Variants in PHACTR1 observed in about 807,000 individuals in gnomAD.
The protein encoded by PHACTR1 is RPEL repeat containing 1.
Under a neutral mutation model 69.2 loss-of-function variants are expected in PHACTR1, and 16 were observed. The ratio of observed to expected loss-of-function variants is 0.23; its 90% CI spans 0.16 to 0.35. The LOEUF (loss-of-function observed/expected upper bound fraction) is 0.35. Ranked by LOEUF, PHACTR1 falls within the 10% of genes least tolerant of loss-of-function variation. The pLI is 1.00. For synonymous variants in PHACTR1, 312 were observed against 284.5 expected, an observed-to-expected ratio of 1.10 and a Z score of -0.97; for missense variants, 510 against 734.7, an observed-to-expected ratio of 0.69 and a Z score of 3.54.
intron 10 of PHACTR1, among the ~76,000 whole-genome samples, chr6:13,262,593 A>C (rs1401927782): frequency 6.6e-6 from 1 of 152,132 alleles, no homozygotes; most frequent in Non-Finnish European, 1.5e-5. Context: ...ATGTAGTAAT[A>C]ACCAAGGCCA....
At chr6:12,934,114 C>T in intron 4 of PHACTR1, 1 of 842,894 alleles carries the variant, frequency 1.2e-6, no homozygotes, top group Non-Finnish European at 1.7e-6. Flanking sequence ...TGTCTTCCAG[C>T]TTCTGGCAGC....
intron 4 of PHACTR1, among the ~76,000 whole-genome samples, chr6:12,946,749 G>T (rs1456971410): frequency 6.6e-6 from 1 of 151,692 alleles, no homozygotes; most frequent in East Asian, 1.9e-4. Flanking sequence ...GTCCAATATG[G>T]TAGAGGGCTC....
intron 5 of PHACTR1, among the ~76,000 whole-genome samples, chr6:13,087,637 A>T (rs971038330): frequency 2.4e-4 from 36 of 151,538 alleles, no homozygotes; most frequent in African/African-American, 8.8e-4. Flanking sequence ...GAAATTACAA[A>T]TAAAAGCAGG....
In PHACTR1 at chr6:13,053,427, C is replaced by T; in HGVS notation, c.313C>T (p.Pro105Ser). 6.2e-7 allele frequency: 1 copy of T among 1,613,690 alleles called. No individual in the cohort carries two copies. The highest frequency in any genetic ancestry group is 1.7e-5 in the Admixed American group (1 of 59,964). ...SDSLVPGTHT[P>S]PIRRRSKFAN... ...CTCCCTCGTCCCAGGCACCCACACC[C>T]CACCCATCCGCAGGAGAAGTAAGTT... is the stretch of plus-strand genomic sequence containing the variant. The change falls in exon 5 of 15, where the codon CCA (proline) becomes TCA (serine). Residue 105 changes from proline to serine, a missense_variant. By Grantham distance (74) the Pro-to-Ser change is moderately conservative (BLOSUM62 -1). Around this residue, in one of 2 missense-constraint regions of PHACTR1, gnomAD observed 419 missense variants for 530.9 expected, o/e 0.79. Transcript: ENST00000332995.
intron 4 of PHACTR1, among the ~76,000 whole-genome samples, chr6:13,037,192 G>C (rs915098066): frequency 1.3e-5 from 2 of 152,124 alleles, no homozygotes; most frequent in Non-Finnish European, 1.5e-5. Context: ...AATAGTTCAG[G>C]CCTCACATCC....
chr6:13,267,248 C>T (rs769706622), intron 10 of PHACTR1: 2 of 152,226 alleles, frequency 1.3e-5, no homozygotes, highest in African/African-American at 2.4e-5. Flanking sequence ...TAATAAGTAA[C>T]TTGCTAAATG....
intron 12 of PHACTR1, chr6:13,280,820 T>C (rs1056043473): frequency 3.8e-6 from 2 of 520,316 alleles, no homozygotes; most frequent in Non-Finnish European, 6.2e-6. Flanking sequence ...AGATTATTTT[T>C]GCAGCATTCA....
At chr6:12,904,764 A>G (rs2127487174) in intron 4 of PHACTR1, among the ~76,000 whole-genome samples, 1 of 152,160 alleles carries the variant, frequency 6.6e-6, no homozygotes, top group South Asian at 2.1e-4. Flanking sequence ...CCAGCCTAAT[A>G]TGTCATGTAA....
In PHACTR1 at chr6:12,998,633, G is replaced by C. The variant is rs551244670; in HGVS notation, c.251-54732G>C. ...CTGGTCAAAAAAAAAAAAAAGAAAA[G>C]AAAAAGTAAAAGTCCCAAGGCAGCG... On this transcript the variant is annotated intron_variant, in intron 4 of 14. Transcript: ENST00000332995. 2.1e-5 allele frequency among the ~76,000 whole-genome samples: 3 copies of C among 145,506 alleles called. No homozygotes were observed. In the South Asian group the frequency reaches 6.6e-4, roughly 32 times the overall value.
chr6:13,194,134 A>G (rs1398735966), intron 7 of PHACTR1, among the ~76,000 whole-genome samples: 1 of 152,174 alleles, frequency 6.6e-6, no homozygotes, highest in Non-Finnish European at 1.5e-5. Context: ...GCTGGGCGCG[A>G]TGGCTCACGC....
intron 5 of PHACTR1, among the ~76,000 whole-genome samples, chr6:13,062,815 A>G (rs1807877931): frequency 6.6e-6 from 1 of 152,236 alleles, no homozygotes; most frequent in African/African-American, 2.4e-5. Flanking sequence ...GTAAAGGGAA[A>G]CATGGCCTCT....
intron 5 of PHACTR1, among the ~76,000 whole-genome samples, chr6:13,137,853 G>A (rs554015670): frequency 6.6e-6 from 1 of 152,230 alleles, no homozygotes; most frequent in East Asian, 1.9e-4. Context: ...TCCTGGAATA[G>A]GAATGGTGCT....
intron 4 of PHACTR1, among the ~76,000 whole-genome samples, chr6:13,032,337 G>A (rs1203895408): frequency 7.9e-5 from 12 of 152,130 alleles, no homozygotes; most frequent in Admixed American, 7.9e-4. Flanking sequence ...GTAATAATGT[G>A]CTTTTATTCT....
intron 4 of PHACTR1, among the ~76,000 whole-genome samples, chr6:12,971,589 AGTAGTTACTGAGGG>A (rs1794213158): frequency 6.6e-6 from 1 of 152,236 alleles, no homozygotes; most frequent in Admixed American, 6.5e-5. Flanking sequence ...AACATGGATG[AGTAGTTACTGAGGG>A]GTAGGATGGG....
At chr6:13,072,727 T>A (rs1809726532) in intron 5 of PHACTR1, among the ~76,000 whole-genome samples, 3 of 152,196 alleles carry the variant, frequency 2.0e-5, no homozygotes, top group African/African-American at 7.2e-5. Context: ...CCTTTATTTG[T>A]ACTTTTTTTC....
At chr6:13,268,949 CAG>C (rs1777209670) in intron 10 of PHACTR1, among the ~76,000 whole-genome samples, 1 of 152,140 alleles carries the variant, frequency 6.6e-6, no homozygotes, top group African/African-American at 2.4e-5. Flanking sequence ...TTTCTCTGAT[CAG>C]AGTCTAGTCA....
chr6:12,949,264 C>T (rs1254857714), intron 4 of PHACTR1, among the ~76,000 whole-genome samples: 4 of 95,712 alleles, frequency 4.2e-5, no homozygotes, highest in Non-Finnish European at 7.7e-5. Context: ...AGCGAAACGT[C>T]ATCTCAAAAA....
rs144893020 is a variant in PHACTR1, at chr6:13,210,614, C to T, written c.986+4478C>T. On this transcript the variant is annotated intron_variant, in intron 8 of 14. Coordinates refer to ENST00000332995, the MANE Select transcript of PHACTR1 (RefSeq NM_030948.6). ...GTGTGACCCAAAGCGTATGGCTCAA[C>T]CTCTTTTTGATTTTCATGCCTTATC... is the stretch of plus-strand genomic sequence containing the variant. Among the ~76,000 whole-genome samples the T allele has an allele frequency of 1.1e-4, 17 of 152,214 alleles. No homozygotes were observed. In the East Asian group the frequency reaches 1.3e-3, roughly 12 times the overall value.
At chr6:13,164,303 CTTTTTT>C (rs1429913265) in intron 6 of PHACTR1, among the ~76,000 whole-genome samples, 8 of 152,140 alleles carry the variant, frequency 5.3e-5, no homozygotes, top group Admixed American at 5.2e-4. Flanking sequence ...AAGAGACTTT[CTTTTTT>C]TAAGTTGTTC....
Sources: allele counts gnomAD v4.1 joint callset (sites outside exome capture counted in the v4.1 genomes callset), GRCh38; gene constraint gnomAD v4.1.1; regional missense constraint gnomAD v4.1.1; transcripts MANE v1.5; gene names NCBI Gene and HGNC (gene_info 2026-07-23, HGNC 2026-07-21).